The following OTOGL variants were observed in gnomAD, a reference collection of about 807,000 sequenced individuals.
OTOGL encodes otogelin-like protein.
A neutral mutation model predicts 318.5 loss-of-function variants in OTOGL; 285 were observed. The ratio of observed to expected loss-of-function variants is 0.89; its 90% CI spans 0.81 to 0.99. The LOEUF (loss-of-function observed/expected upper bound fraction) is 0.99. Ranked by LOEUF, OTOGL falls within the 50% of genes least tolerant of loss-of-function variation. OTOGL has a pLI of 0.00. For synonymous variants in OTOGL, 987 were observed against 936.5 expected (o/e 1.05, Z -0.99); for missense variants, 2,899 against 2,845.6 (o/e 1.02, Z -0.43).
chr12:80,358,545 TG>T, intron 50 of OTOGL, 125 bp from the exon 51 acceptor site: 1 of 857,118 alleles, frequency 1.2e-6, no homozygotes, highest in Non-Finnish European at 1.8e-6. Flanking sequence ...AATCTGACGG[TG>T]GGAGAGGTAG....
chr12:80,356,973 T>G, intron 49 of OTOGL, 59 bp downstream of exon 49: 13 of 1,056,174 alleles, frequency 1.2e-5, no homozygotes, highest in Non-Finnish European at 1.6e-5. Context: ...AAAAAATCTC[T>G]TATTTGATGT....
rs1283578653 is a variant in OTOGL, at chr12:80,146,271, T to C, written c.-20+46666T>C. 1.4e-5 allele frequency among the ~76,000 whole-genome samples: 2 copies of C among 146,534 alleles called. 1 individual carries two copies. Among genetic ancestry groups the C allele is most frequent in the African/African-American group, 5.5e-5 (2 of 36,320 alleles). On this transcript the variant is annotated intron_variant, in intron 1 of 58. Transcript: ENST00000547103. Reference sequence around the variant, plus strand: ...TATTGAGAGTTTTTAGCATGAAGGGTTGTTGAATTTTGTCAAAGGCTTTTT... The same window carrying C: ...TATTGAGAGTTTTTAGCATGAAGGGCTGTTGAATTTTGTCAAAGGCTTTTT...
intron 4 of OTOGL, among the ~76,000 whole-genome samples, chr12:80,216,430 A>G (rs905044046): frequency 1.3e-5 from 2 of 152,166 alleles, no homozygotes; most frequent in African/African-American, 2.4e-5. Context: ...GCCCCAGCCC[A>G]TACACTCAAT....
intron 52 of OTOGL, among the ~76,000 whole-genome samples, chr12:80,363,233 G>T (rs1294712060): frequency 6.6e-6 from 1 of 152,134 alleles, no homozygotes; most frequent in Non-Finnish European, 1.5e-5. Flanking sequence ...CATCATGCCA[G>T]ACACTTGAAA....
chr12:80,151,901 T>G (rs1455772179), intron 1 of OTOGL, among the ~76,000 whole-genome samples: 1 of 152,256 alleles, frequency 6.6e-6, no homozygotes, highest in Non-Finnish European at 1.5e-5. Flanking sequence ...AATCATTCAC[T>G]TGTCTGTGCT....
chr12:80,159,854 A>G (rs1023367297), intron 1 of OTOGL, among the ~76,000 whole-genome samples: 2 of 152,162 alleles, frequency 1.3e-5, no homozygotes, highest in African/African-American at 4.8e-5. Context: ...AAACTATACT[A>G]TAAGGCCATA....
intron 1 of OTOGL, among the ~76,000 whole-genome samples, chr12:80,152,920 G>A (rs762890604): frequency 1.3e-5 from 2 of 152,128 alleles, no homozygotes; most frequent in Admixed American, 6.5e-5. Flanking sequence ...TGCCAATTTC[G>A]TAACCTCAGG....
At chr12:80,233,843 G>T (rs1234574064) in intron 9 of OTOGL, among the ~76,000 whole-genome samples, 2 of 152,156 alleles carry the variant, frequency 1.3e-5, no homozygotes, top group Non-Finnish European at 2.9e-5. Flanking sequence ...TCTGTAATTT[G>T]AGGAAACTCA....
intron 1 of OTOGL, among the ~76,000 whole-genome samples, chr12:80,184,043 T>C (rs1406875651): frequency 6.6e-6 from 1 of 152,206 alleles, no homozygotes; most frequent in Non-Finnish European, 1.5e-5. Flanking sequence ...CCCATAGTTA[T>C]GGTACTTGAG....
chr12:80,141,666 A>G (rs1374109588), intron 1 of OTOGL, among the ~76,000 whole-genome samples: 6 of 152,124 alleles, frequency 3.9e-5, no homozygotes, highest in Admixed American at 2.6e-4. Flanking sequence ...TTTCCTTCCC[A>G]GTCTTGTTCC....
At chr12:80,175,260 C>T (rs897299967) in intron 1 of OTOGL, among the ~76,000 whole-genome samples, 8 of 152,134 alleles carry the variant, frequency 5.3e-5, no homozygotes, top group African/African-American at 1.7e-4. Context: ...TAAATGATCC[C>T]TATCATCAAA....
At chr12:80,249,416 ACCCTG>A (rs1466225204) in intron 11 of OTOGL, among the ~76,000 whole-genome samples, 2 of 151,036 alleles carry the variant, frequency 1.3e-5, no homozygotes, top group East Asian at 3.9e-4. Flanking sequence ...CTGTTGGAAT[ACCCTG>A]CCGTGTGAGG....
chr12:80,127,748 C>CT (rs1565870135), intron 1 of OTOGL, among the ~76,000 whole-genome samples: 1 of 152,258 alleles, frequency 6.6e-6, no homozygotes, highest in East Asian at 1.9e-4. Context: ...TCTTTTTATT[C>CT]TTTTTTCTCT....
chr12:80,237,136 A>T (rs1879939222), intron 9 of OTOGL, among the ~76,000 whole-genome samples: 1 of 152,004 alleles, frequency 6.6e-6, no homozygotes, highest in Non-Finnish European at 1.5e-5. Context: ...GGATTCTAAT[A>T]ATCTCTTTAA....
At chr12:80,154,182 G>A (rs1321638179) in intron 1 of OTOGL, among the ~76,000 whole-genome samples, 1 of 152,034 alleles carries the variant, frequency 6.6e-6, no homozygotes, top group African/African-American at 2.4e-5. Flanking sequence ...GGTGGCTCAC[G>A]CCTGTAGTCC....
At chr12:80,239,026 T>TAC (rs1880128662) in intron 10 of OTOGL, 48 bp downstream of exon 10, 38 of 1,522,438 alleles carry the variant, frequency 2.5e-5, no homozygotes, top group Non-Finnish European at 3.2e-5. Flanking sequence ...AATACACATA[T>TAC]ATCTTATTTG....
In OTOGL at chr12:80,323,758, G is replaced by A. The variant is rs755276225; in HGVS notation, c.4117G>A (p.Glu1373Lys). The A allele has an allele frequency of 1.9e-6, 3 of 1,613,866 alleles. No individual in the cohort carries two copies. Among genetic ancestry groups the A allele is most frequent in the Non-Finnish European group, 2.5e-6 (3 of 1,179,794 alleles). The change falls in exon 35 of 59, where the codon GAA (glutamate) becomes AAA (lysine). Residue 1373 changes from glutamate to lysine, a missense_variant. This residue lies in a region of OTOGL where 2,607 missense variants were observed against 2,524.9 expected (regional missense o/e 1.03). Transcript: ENST00000547103. Reference sequence around the variant, plus strand: ...AGCAGTGCCTTACAGGAAGATGTGTGAATGGAGATATGAACCTTGTGCTAC... The same window carrying A: ...AGCAGTGCCTTACAGGAAGATGTGTAAATGGAGATATGAACCTTGTGCTAC... ...QAAVPYRKMCEWRYEPCATPC... is the reference protein window; with the variant it reads ...QAAVPYRKMCKWRYEPCATPC...
chr12:80,292,957 CA>C (rs1885146125), intron 26 of OTOGL, among the ~76,000 whole-genome samples: 1 of 151,922 alleles, frequency 6.6e-6, no homozygotes, highest in South Asian at 2.1e-4. Flanking sequence ...AGTTTGAGGC[CA>C]AAAGACTGAA....
chr12:80,336,764 T>C (rs1888433114), intron 40 of OTOGL, 33 bp from the exon 41 acceptor site: 1 of 1,483,172 alleles, frequency 6.7e-7, no homozygotes, highest in Non-Finnish European at 9.1e-7. Context: ...AGTCAAATAA[T>C]GCATTTAAAA....
Sources: gnomAD v4.1 joint callset for allele counts (sites outside exome capture counted in the v4.1 genomes callset) on GRCh38, gnomAD v4.1.1 for gene constraint, gnomAD v4.1.1 regional missense constraint, MANE v1.5 for transcripts, NCBI Gene and HGNC (gene_info 2026-07-23, HGNC 2026-07-21) for gene names.